The following PTBP3 variants were observed in gnomAD, a reference collection of about 807,000 sequenced individuals.
The protein encoded by PTBP3 is polypyrimidine tract binding protein 3, also known as polypyrimidine tract-binding protein 3.
PTBP3 carries 20 observed loss-of-function variants against 58.7 expected under a neutral mutation model. That is an observed-to-expected ratio of 0.34 (90% CI 0.24 to 0.50). The LOEUF (loss-of-function observed/expected upper bound fraction) is 0.50. Among genes scored for constraint, PTBP3 ranks in the 20% least tolerant of loss-of-function variants. The pLI is 0.98. For missense variants in PTBP3, 509 were observed against 637.2 expected, an observed-to-expected ratio of 0.80 and a Z score of 2.17; for synonymous variants, 185 against 219.8, an observed-to-expected ratio of 0.84 and a Z score of 1.40.
the PTBP3 span, among the ~76,000 whole-genome samples, chr9:112,353,553 C>CT: frequency 3.3e-5 from 5 of 151,850 alleles, no homozygotes; most frequent in Non-Finnish European, 7.4e-5. Context: ...GCCTCTTTTC[C>CT]TTTTTTTCCC....
intron 7 of PTBP3, among the ~76,000 whole-genome samples, chr9:112,246,594 G>T (rs925154724): frequency 2.3e-4 from 35 of 151,760 alleles, no homozygotes; most frequent in African/African-American, 8.2e-4. Context: ...TCAGGAGGTT[G>T]AGGCAGGAGT....
intron 4 of PTBP3, 83 bp from the exon 5 acceptor site, chr9:112,262,682 T>A (rs780424752): frequency 4.7e-6 from 6 of 1,271,230 alleles, no homozygotes; most frequent in Non-Finnish European, 6.2e-6. Context: ...TAAAACAGTA[T>A]GAAGCAATGT....
Position 112,294,283 on chromosome 9 carries a change from A to G in PTBP3, c.34+3549T>C, listed in dbSNP as rs145519594. On this transcript the variant is annotated intron_variant, in intron 2 of 13. Coordinates refer to ENST00000374257, the MANE Select transcript of PTBP3 (RefSeq NM_001163788.4). Reference sequence around the variant, plus strand: ...ATCCCAGCACTTTAGGAGGCCAAGGAAGGAGGATTGATTGATTGAGCCCAG... The same window carrying G: ...ATCCCAGCACTTTAGGAGGCCAAGGGAGGAGGATTGATTGATTGAGCCCAG... Among the ~76,000 whole-genome samples the G allele has an allele frequency of 3.3e-4, 50 of 152,202 alleles. No homozygotes were observed. In the East Asian group the frequency reaches 7.7e-3, roughly 23 times the overall value.
At chr9:112,262,864 T>TA (rs1274514611) in intron 4 of PTBP3, among the ~76,000 whole-genome samples, 1 of 152,216 alleles carries the variant, frequency 6.6e-6, no homozygotes, top group East Asian at 1.9e-4. Flanking sequence ...AATCTGGATG[T>TA]AATTTTTATT....
intron 5 of PTBP3, among the ~76,000 whole-genome samples, chr9:112,255,095 T>C (rs1228093135): frequency 6.6e-6 from 1 of 152,100 alleles, no homozygotes; most frequent in Non-Finnish European, 1.5e-5. Context: ...CCAGGTGAAA[T>C]ATGCCAGTCA....
intron 6 of PTBP3, among the ~76,000 whole-genome samples, chr9:112,251,335 T>C (rs1262128349): frequency 1.3e-5 from 2 of 152,210 alleles, no homozygotes; most frequent in East Asian, 1.9e-4. Flanking sequence ...AATATTTATC[T>C]TGTCTGTGGT....
At chr9:112,340,691 T>C in the PTBP3 span, among the ~76,000 whole-genome samples, 2 of 151,850 alleles carry the variant, frequency 1.3e-5, no homozygotes, top group African/African-American at 4.8e-5. Context: ...GAGACCAGCC[T>C]CAACATGGAG....
chr9:112,296,736 T>A (rs910462228), intron 2 of PTBP3, among the ~76,000 whole-genome samples: 1 of 152,184 alleles, frequency 6.6e-6, no homozygotes, highest in African/African-American at 2.4e-5. Context: ...TATACAAATC[T>A]GAACCTGTGT....
chr9:112,222,039 T>C lies in PTBP3; in HGVS notation c.*1812A>G, dbSNP rs962223888. On this transcript the variant is annotated 3_prime_UTR_variant, in exon 14 of 14. Transcript: ENST00000374257. ...AGTGATCCTCCTGCCTGTAGCCTCC[T>C]GCCTACAGGCTCAGCCTGTAGCTGG... The C allele has an allele frequency of 2.1e-6, 2 of 940,786 alleles. No homozygotes were observed. The highest frequency in any genetic ancestry group is 2.5e-6 in the Non-Finnish European group (2 of 789,022). 58.3% of individuals were successfully genotyped at this position (940,786 alleles called of 1,614,324 possible).
In PTBP3 at chr9:112,251,121, G is replaced by C; in HGVS notation, c.628-18C>G. On this transcript the variant is annotated intron_variant, in intron 6 of 13. Coordinates refer to ENST00000374257, the MANE Select transcript of PTBP3 (RefSeq NM_001163788.4). ...TCCAGAGCCTAAAGCATGTAAGAAA[G>C]GGACTGGTTTTGGCAAGACAACAAC... is the stretch of plus-strand genomic sequence containing the variant. The C allele has an allele frequency of 2.0e-6, 3 of 1,527,448 alleles. No individual in the cohort carries two copies. Among genetic ancestry groups the C allele is most frequent in the Non-Finnish European group, 2.6e-6 (3 of 1,136,324 alleles). 94.6% of individuals were successfully genotyped at this position (1,527,448 alleles called of 1,614,324 possible). A position where few individuals can be genotyped will look rare whatever the true frequency, so the allele number is the denominator to read the frequency against.
At chr9:112,343,160 A>G in the PTBP3 span, among the ~76,000 whole-genome samples, 1 of 152,052 alleles carries the variant, frequency 6.6e-6, no homozygotes, top group Non-Finnish European at 1.5e-5. Context: ...TGCACGCAAA[A>G]TGTTAACATT....
chr9:112,330,558 G>A (rs968633455), intron 1 of PTBP3: 4 of 856,020 alleles, frequency 4.7e-6, no homozygotes, highest in East Asian at 2.7e-5. Flanking sequence ...AGAATAAAGG[G>A]GAAAAAGCAT....
At chr9:112,310,079 TC>T (rs1369520183) in intron 1 of PTBP3, among the ~76,000 whole-genome samples, 1 of 152,222 alleles carries the variant, frequency 6.6e-6, no homozygotes, top group African/African-American at 2.4e-5. Context: ...AGTGTGATTA[TC>T]CCTAAATATT....
upstream of PTBP3, among the ~76,000 whole-genome samples, chr9:112,337,046 T>C (rs1252746949): frequency 6.6e-6 from 1 of 152,206 alleles, no homozygotes. Context: ...TTTGTTTGTT[T>C]GGAATCAGAG....
chr9:112,251,849 A>C (rs537953180), intron 6 of PTBP3, among the ~76,000 whole-genome samples: 6 of 152,286 alleles, frequency 3.9e-5, no homozygotes, highest in African/African-American at 1.4e-4. Flanking sequence ...CAAGTATGCC[A>C]TCGTAAAGGT....
At chr9:112,333,086 C>T in intron 1 of PTBP3, 2 of 1,271,234 alleles carry the variant, frequency 1.6e-6, no homozygotes, top group Non-Finnish European at 2.0e-6. Context: ...GCCTCCGCCT[C>T]CCCCAGCGCC....
At chr9:112,357,028 C>T in the PTBP3 span, among the ~76,000 whole-genome samples, 7 of 151,906 alleles carry the variant, frequency 4.6e-5, no homozygotes, top group South Asian at 2.1e-4. Flanking sequence ...TATAGGCACC[C>T]GCCACCACAC....
chr9:112,321,181 T>A (rs1829932096), intron 1 of PTBP3, among the ~76,000 whole-genome samples: 1 of 152,008 alleles, frequency 6.6e-6, no homozygotes, highest in South Asian at 2.1e-4. Context: ...TAAACCCTAT[T>A]TGAAAGAAGG....
chr9:112,292,459 A>G (rs1369796182), intron 2 of PTBP3, among the ~76,000 whole-genome samples: 1 of 152,224 alleles, frequency 6.6e-6, no homozygotes, highest in African/African-American at 2.4e-5. Flanking sequence ...AGGATCTCAA[A>G]GAGATATCTG....
Sources: gnomAD v4.1 joint callset for allele counts (sites outside exome capture counted in the v4.1 genomes callset) on GRCh38, gnomAD v4.1.1 for gene constraint, MANE v1.5 for transcripts, NCBI Gene and HGNC (gene_info 2026-07-23, HGNC 2026-07-21) for gene names.